The following ITPKB variants were observed in gnomAD, a reference collection of about 807,000 sequenced individuals.
The protein encoded by ITPKB is inositol-trisphosphate 3-kinase B, also known as IP3 3-kinase B.
Under a neutral mutation model 69.4 loss-of-function variants are expected in ITPKB, and 13 were observed. The ratio of observed to expected loss-of-function variants is 0.19; its 90% confidence interval spans 0.12 to 0.30. The LOEUF is 0.30. ITPKB is among the 10% of genes least tolerant of loss of function. The probability of loss-of-function intolerance (pLI) is 1.00; values close to 1 mark genes in which losing one functional copy is unlikely to be tolerated. For synonymous variants in ITPKB, 584 were observed against 513.7 expected (o/e 1.14, Z -1.85); for missense variants, 1,240 against 1,250.5 (o/e 0.99, Z 0.13).
intron 2 of ITPKB, among the ~76,000 whole-genome samples, chr1:226,655,594 A>G (rs1249271304): frequency 6.6e-6 from 1 of 152,180 alleles, no homozygotes; most frequent in Non-Finnish European, 1.5e-5. Context: ...TGTTGTTCAG[A>G]GTCTGGCCTT....
At chr1:226,690,427 G>C (rs1656321114) in intron 2 of ITPKB, among the ~76,000 whole-genome samples, 1 of 152,162 alleles carries the variant, frequency 6.6e-6, no homozygotes, top group Admixed American at 6.5e-5. Flanking sequence ...GACTGGTCCT[G>C]ATCTGGGGCT....
intron 2 of ITPKB, among the ~76,000 whole-genome samples, chr1:226,691,497 C>T (rs772632336): frequency 6.6e-6 from 1 of 152,098 alleles, no homozygotes; most frequent in Admixed American, 6.5e-5. Context: ...TTAGACTGGC[C>T]TGAGTCAACA....
intron 2 of ITPKB, among the ~76,000 whole-genome samples, chr1:226,692,556 A>G (rs1363611650): frequency 2.6e-5 from 4 of 152,168 alleles, no homozygotes. Flanking sequence ...TTCTCACCCT[A>G]CACTGCCACA....
intron 2 of ITPKB, among the ~76,000 whole-genome samples, chr1:226,654,361 C>T (rs1047589443): frequency 2.6e-5 from 4 of 152,164 alleles, no homozygotes; most frequent in African/African-American, 4.8e-5. Context: ...CCCCAGCTCC[C>T]GATTCTGCTC....
At chr1:226,648,451 GT>G (rs1209077863) in intron 3 of ITPKB, among the ~76,000 whole-genome samples, 21 of 17,810 alleles carry the variant, frequency 1.2e-3, no homozygotes, top group Non-Finnish European at 1.7e-3. Context: ...GAGGATGCAT[GT>G]TTTGGAGGAT....
chr1:226,712,299 C>T (rs947617493), intron 2 of ITPKB, among the ~76,000 whole-genome samples: 3 of 152,284 alleles, frequency 2.0e-5, no homozygotes, highest in Middle Eastern at 3.4e-3. Context: ...GGCAGGCCCT[C>T]GTGAGGTCCA....
At chr1:226,726,938 C>T (rs938864949) in intron 2 of ITPKB, among the ~76,000 whole-genome samples, 1 of 152,174 alleles carries the variant, frequency 6.6e-6, no homozygotes, top group Non-Finnish European at 1.5e-5. Context: ...ATTTCTTAAA[C>T]TACTGGCAGG....
intron 2 of ITPKB, among the ~76,000 whole-genome samples, chr1:226,688,091 C>G (rs1035625775): frequency 6.6e-6 from 1 of 152,144 alleles, no homozygotes; most frequent in Non-Finnish European, 1.5e-5. Context: ...AAGCCTCTGG[C>G]AAGAAAAAAC....
chr1:226,690,822 A>G (rs1656332569), intron 2 of ITPKB, among the ~76,000 whole-genome samples: 1 of 152,242 alleles, frequency 6.6e-6, no homozygotes, highest in African/African-American at 2.4e-5. Context: ...GCCAAGTGCC[A>G]TCGGCAGATG....
chr1:226,638,284 G>A (rs566925675), intron 6 of ITPKB, among the ~76,000 whole-genome samples: 9 of 152,358 alleles, frequency 5.9e-5, no homozygotes, highest in Admixed American at 3.3e-4. Flanking sequence ...CTCAGGAATT[G>A]GAGGACTTGG....
chr1:226,687,861 A>G (rs1418912590), intron 2 of ITPKB, among the ~76,000 whole-genome samples: 1 of 152,204 alleles, frequency 6.6e-6, no homozygotes, highest in Non-Finnish European at 1.5e-5. Context: ...TTAAAAAGAT[A>G]CTGCTTCCGA....
intron 2 of ITPKB, among the ~76,000 whole-genome samples, chr1:226,720,468 TA>T (rs534785255): frequency 6.6e-6 from 1 of 152,226 alleles, no homozygotes; most frequent in Admixed American, 6.5e-5. Context: ...TCAGATGAGT[TA>T]AAATCCCAGT....
chr1:226,690,976 C>T (rs1050255277), intron 2 of ITPKB, among the ~76,000 whole-genome samples: 3 of 152,166 alleles, frequency 2.0e-5, no homozygotes, highest in South Asian at 2.1e-4. Context: ...AAAGGACAAA[C>T]GCTGTATGAC....
intron 2 of ITPKB, among the ~76,000 whole-genome samples, chr1:226,666,337 G>T (rs1669502624): frequency 6.6e-6 from 1 of 152,190 alleles, no homozygotes; most frequent in Non-Finnish European, 1.5e-5. Context: ...GGGAGAAGCT[G>T]TAAGTGCTTG....
In ITPKB at chr1:226,737,134, C is replaced by T. The variant is rs762170571; in HGVS notation, c.325G>A (p.Asp109Asn). 1.2e-6 allele frequency: 2 copies of T among 1,602,060 alleles called. No homozygotes were observed. Among genetic ancestry groups the T allele is most frequent in the South Asian group, 1.1e-5 (1 of 91,050 alleles). Residue 109 changes from aspartate (D) to asparagine (N), a missense_variant, in exon 2 of 8, where the codon GAC (aspartate) becomes AAC (asparagine). Physicochemically the swap from Asp to Asn is conservative, Grantham distance 23 (BLOSUM62 1). Around this residue, in one of 2 missense-constraint regions of ITPKB, gnomAD observed 992 missense variants for 853.8 expected, o/e 1.16. Coordinates refer to ENST00000429204, the MANE Select transcript of ITPKB (RefSeq NM_002221.4). ...SPSWAGRLRG[D>N]RQQVVAAGTL... ...CCGGCTGCCACCACCTGCTGCCGGT[C>T]CCCTCGCAGGCGACCAGCCCAACTT... is the stretch of plus-strand genomic sequence containing the variant.
chr1:226,720,957 G>A lies in ITPKB; in HGVS notation c.1932+14570C>T, dbSNP rs963982796. 4.0e-5 allele frequency among the ~76,000 whole-genome samples: 6 copies of A among 151,686 alleles called. No homozygotes were observed. The South Asian group carries it at 6.3e-4, about 16-fold the overall frequency. The stretch of plus-strand genomic sequence containing the variant: ...CTCAGGAGGCTGAGGCAGAAGAATC[G>A]CTTGAACCCGGGCAGCAGAGGTTGC... On this transcript the variant is annotated intron_variant, in intron 2 of 7. Transcript: ENST00000429204.
intron 2 of ITPKB, among the ~76,000 whole-genome samples, chr1:226,670,684 A>T (rs1277834083): frequency 6.6e-6 from 1 of 152,246 alleles, no homozygotes; most frequent in Non-Finnish European, 1.5e-5. Context: ...ACTAATACGC[A>T]TTTCTGCACA....
rs1669646305 is a variant in ITPKB, at chr1:226,672,906, G to A, written c.1933-24135C>T. Among the ~76,000 whole-genome samples the A allele has an allele frequency of 2.0e-5, 3 of 152,192 alleles. No homozygotes were observed. In the South Asian group the frequency reaches 6.2e-4, roughly 31 times the overall value. On this transcript the variant is annotated intron_variant, in intron 2 of 7. Transcript: ENST00000429204. ...GACAAACAGGAAGAAGGTCCCAGGT[G>A]GAGAACCTGCATTTGGCTTCTGTAC...
intron 2 of ITPKB, among the ~76,000 whole-genome samples, chr1:226,676,819 T>C (rs1669742959): frequency 6.6e-6 from 1 of 152,222 alleles, no homozygotes. Context: ...GCCAAAACAA[T>C]CCACTGAATT....
Sources: gnomAD v4.1 joint callset for allele counts (sites outside exome capture counted in the v4.1 genomes callset) on GRCh38, gnomAD v4.1.1 for gene constraint, gnomAD v4.1.1 regional missense constraint, MANE v1.5 for transcripts, NCBI Gene and HGNC (gene_info 2026-07-23, HGNC 2026-07-21) for gene names.